Variants in TCF7L1 observed in about 807,000 individuals in gnomAD.
The protein encoded by TCF7L1 is transcription factor 7-like 1.
In TCF7L1, 18 loss-of-function variants were observed where a neutral mutation model predicts 63.7. The ratio of observed to expected loss-of-function variants is 0.28; its 90% CI spans 0.20 to 0.42. The LOEUF (loss-of-function observed/expected upper bound fraction) is 0.42. Ranked by LOEUF, TCF7L1 falls within the 10% of genes least tolerant of loss-of-function variation. The pLI is 1.00. For missense variants in TCF7L1, 654 were observed against 779.3 expected (o/e 0.84, Z 1.91); for synonymous variants, 355 against 340.9 (o/e 1.04, Z -0.46).
intron 3 of TCF7L1, among the ~76,000 whole-genome samples, chr2:85,240,772 G>A (rs1378828984): frequency 1.5e-5 from 2 of 136,382 alleles, no homozygotes; most frequent in Non-Finnish European, 3.0e-5. Context: ...CAAGACTCTT[G>A]CCTCAAAAAA....
intron 3 of TCF7L1, among the ~76,000 whole-genome samples, chr2:85,143,199 C>A (rs1345774500): frequency 6.6e-6 from 1 of 152,188 alleles, no homozygotes; most frequent in Non-Finnish European, 1.5e-5. Flanking sequence ...AGAGGAGGAA[C>A]AAGGCCCCAA....
intron 3 of TCF7L1, among the ~76,000 whole-genome samples, chr2:85,238,023 G>A (rs1044712681): frequency 6.6e-6 from 1 of 152,152 alleles, no homozygotes; most frequent in Non-Finnish European, 1.5e-5. Context: ...GCCCTGGGCC[G>A]CCAGGGTCAG....
At chr2:85,247,471 C>G (rs1228622907) in intron 3 of TCF7L1, among the ~76,000 whole-genome samples, 1 of 152,160 alleles carries the variant, frequency 6.6e-6, no homozygotes, top group Non-Finnish European at 1.5e-5. Flanking sequence ...TTTCCTGCCC[C>G]AAGGTGAATG....
intron 3 of TCF7L1, among the ~76,000 whole-genome samples, chr2:85,252,127 G>A (rs1335786067): frequency 6.6e-6 from 1 of 152,140 alleles, no homozygotes; most frequent in Admixed American, 6.5e-5. Flanking sequence ...GTGTGCATTG[G>A]GTGGTACAGT....
chr2:85,134,030 G>A lies in TCF7L1; in HGVS notation c.264G>A (p.Pro88=), dbSNP rs200175007. 2.2e-5 allele frequency: 35 copies of A among 1,609,536 alleles called. No individual in the cohort carries two copies. The highest frequency in any genetic ancestry group is 2.0e-5 in the Non-Finnish European group (24 of 1,178,506). Residue 88 remains proline (P), a synonymous_variant, in exon 2 of 12, where the codon CCG becomes CCA. Coordinates refer to ENST00000282111, the MANE Select transcript of TCF7L1 (RefSeq NM_031283.3). This position sits in a 1 kb window ranked among gnomAD's most constrained non-coding sequence, Gnocchi z 5.0. Reference sequence around the variant, plus strand: ...CTCCTCCGCAGGCGGAGAGGCGCCCGCAGCCCGTCCGGGACACTTTCCAGA... The same window carrying A: ...CTCCTCCGCAGGCGGAGAGGCGCCCACAGCCCGTCCGGGACACTTTCCAGA... ...SSSDSEAERR[P]QPVRDTFQKP... is the part of the protein sequence containing the mutation.
At chr2:85,304,229 C>G (rs1323911395) in intron 6 of TCF7L1, 26 bp from the exon 7 acceptor site, 1 of 1,605,470 alleles carries the variant, frequency 6.2e-7, no homozygotes, top group South Asian at 1.1e-5. Flanking sequence ...TCCCAATATG[C>G]TGACCAGATT....
chr2:85,186,133 G>A (rs1275592337), intron 3 of TCF7L1, among the ~76,000 whole-genome samples: 2 of 151,818 alleles, frequency 1.3e-5, no homozygotes, highest in African/African-American at 4.8e-5. Context: ...CGCCTGGCTA[G>A]TTTTTTGTAT....
At chr2:85,238,140 G>A (rs745511514) in intron 3 of TCF7L1, among the ~76,000 whole-genome samples, 5 of 152,148 alleles carry the variant, frequency 3.3e-5, no homozygotes, top group East Asian at 1.9e-4. Context: ...CGAGGGAGGT[G>A]GAGATTCAGT....
At chr2:85,190,400 G>A (rs769995301) in intron 3 of TCF7L1, among the ~76,000 whole-genome samples, 42 of 152,166 alleles carry the variant, frequency 2.8e-4, no homozygotes, top group Non-Finnish European at 5.4e-4. Context: ...GAATTTGAGA[G>A]GCTGAGTAAG....
rs113283536 is a variant in TCF7L1, at chr2:85,300,167, T to C, written c.526-2317T>C. Among the ~76,000 whole-genome samples the C allele has an allele frequency of 1.3e-3, 195 of 152,288 alleles. 1 individual carries two copies. The highest frequency in any genetic ancestry group is 2.4e-3 in the Non-Finnish European group (161 of 68,022). The stretch of plus-strand genomic sequence containing the variant: ...ACCACTCAAATATAACTTGTTTACA[T>C]TTTTGGTGTGCTTCTATTTAGCCTT... On this transcript the variant is annotated intron_variant, in intron 4 of 11. Transcript: ENST00000282111.
At chr2:85,191,869 G>A (rs1172659389) in intron 3 of TCF7L1, among the ~76,000 whole-genome samples, 12 of 151,682 alleles carry the variant, frequency 7.9e-5, no homozygotes. Flanking sequence ...CTCATTGGAT[G>A]TGACCAACTT....
chr2:85,302,762 T>C (rs1405218059), intron 5 of TCF7L1, 146 bp downstream of exon 5: 1 of 1,107,650 alleles, frequency 9.0e-7, no homozygotes, highest in Non-Finnish European at 1.3e-6. Context: ...CTGCTAACTT[T>C]AGCCTTGTCA....
chr2:85,148,770 A>ATT, intron 3 of TCF7L1, among the ~76,000 whole-genome samples: 1 of 126,416 alleles, frequency 7.9e-6, no homozygotes, highest in South Asian at 3.0e-4. Context: ...TACAGTATTT[A>ATT]ATTTTTTTTT....
At chr2:85,200,624 C>A (rs1679251217) in intron 3 of TCF7L1, among the ~76,000 whole-genome samples, 1 of 152,168 alleles carries the variant, frequency 6.6e-6, no homozygotes, top group South Asian at 2.1e-4. Context: ...TGACTCTTCT[C>A]TTTTCTTGGG....
rs982526289 is a variant in TCF7L1 at position 85,221,275 on chromosome 2, T to C, written c.442-62220T>C. ...ATGTTAATAGAAAGAATCACGCATT[T>C]GTCCTGCCTGTGCTGTGTGCTGTTT... On this transcript the variant is annotated intron_variant, in intron 3 of 11. Transcript: ENST00000282111. Among the ~76,000 whole-genome samples the C allele has an allele frequency of 2.0e-5, 3 of 152,176 alleles. No homozygotes were observed. The South Asian group carries it at 6.2e-4, about 32-fold the overall frequency.
intron 3 of TCF7L1, chr2:85,262,301 C>T (rs1680877572): frequency 1.8e-6 from 1 of 549,936 alleles, no homozygotes; most frequent in Middle Eastern, 3.2e-4. Flanking sequence ...CTGGCCCTGG[C>T]CATGGTATGC....
At chr2:85,137,672 C>G (rs996765701) in intron 3 of TCF7L1, among the ~76,000 whole-genome samples, 2 of 152,158 alleles carry the variant, frequency 1.3e-5, no homozygotes, top group Admixed American at 6.5e-5. Context: ...GCGGGCGGAT[C>G]ACCTGAGGTC....
intron 3 of TCF7L1, among the ~76,000 whole-genome samples, chr2:85,221,658 A>G (rs762053215): frequency 8.2e-4 from 125 of 152,338 alleles, no homozygotes; most frequent in Admixed American, 2.1e-3. Flanking sequence ...GGGCATTAAT[A>G]CATTTATGAG....
intron 3 of TCF7L1, among the ~76,000 whole-genome samples, chr2:85,262,533 T>TA (rs1434807088): frequency 1.3e-5 from 2 of 152,086 alleles, no homozygotes; most frequent in Non-Finnish European, 2.9e-5. Context: ...AAGTCCAGGG[T>TA]AAAAACACGA....
Sources: allele counts gnomAD v4.1 joint callset (sites outside exome capture counted in the v4.1 genomes callset), GRCh38; gene constraint gnomAD v4.1.1; non-coding constraint Gnocchi (gnomAD v3.1); transcripts MANE v1.5; gene names NCBI Gene and HGNC (gene_info 2026-07-23, HGNC 2026-07-21).